The following GREB1L variants were observed in gnomAD, a reference collection of about 807,000 sequenced individuals.
The protein encoded by GREB1L is GREB1-like protein.
Under a neutral mutation model 200.8 loss-of-function variants are expected in GREB1L, and 17 were observed. The ratio of observed to expected loss-of-function variants is 0.08; its 90% CI spans 0.06 to 0.13. The LOEUF is 0.13. Among genes scored for constraint, GREB1L ranks in the 10% least tolerant of loss-of-function variants. GREB1L has a pLI of 1.00. For missense variants in GREB1L, 1,657 were observed against 2,367.7 expected (o/e 0.70, Z 6.23); for synonymous variants, 789 against 893.0 (o/e 0.88, Z 2.08).
intron 27 of GREB1L, among the ~76,000 whole-genome samples, chr18:21,511,842 C>T (rs2037250134): frequency 6.6e-6 from 1 of 152,116 alleles, no homozygotes; most frequent in Admixed American, 6.5e-5. Flanking sequence ...AGACATGGGT[C>T]TGTGTTGCTC....
intron 12 of GREB1L, 77 bp from the exon 13 acceptor site, chr18:21,450,946 A>G (rs558299224): frequency 2.5e-5 from 36 of 1,422,024 alleles, no homozygotes; most frequent in African/African-American, 2.0e-4. Flanking sequence ...ATTGTTTCCA[A>G]TTGTTGCCAT....
chr18:21,279,480 G>A (rs942478201), intron 1 of GREB1L, among the ~76,000 whole-genome samples: 1 of 152,014 alleles, frequency 6.6e-6, no homozygotes, highest in African/African-American at 2.4e-5. Context: ...TAGATTTTTG[G>A]AAGTAAAGTA....
intron 2 of GREB1L, among the ~76,000 whole-genome samples, chr18:21,377,931 AT>A (rs1359136338): frequency 1.2e-4 from 19 of 152,104 alleles, no homozygotes; most frequent in African/African-American, 4.3e-4. Flanking sequence ...GAGACAAGGT[AT>A]CATTATGTTG....
intron 1 of GREB1L, among the ~76,000 whole-genome samples, chr18:21,256,356 TAGTTAGGTGTACATTTTCACA>T (rs1374859660): frequency 1.3e-5 from 2 of 152,192 alleles, no homozygotes; most frequent in Non-Finnish European, 2.9e-5. Context: ...CATTAGAGAA[TAGTTAGGTGTACATTTTCACA>T]AGTTGGAGCA....
chr18:21,513,810 T>C lies in GREB1L; in HGVS notation c.4736-11T>C, dbSNP rs1272805204. On this transcript the variant is annotated splice_polypyrimidine_tract_variant and intron_variant, in intron 27 of 32. Transcript: ENST00000424526. ...GTGTGGATATGCAGATGTGGTTATGTTGCCTTCCAGGTGCTGCCAGGTTCC... is the reference window on the plus strand; with the variant it reads ...GTGTGGATATGCAGATGTGGTTATGCTGCCTTCCAGGTGCTGCCAGGTTCC... 24 of 1,550,364 alleles carry C rather than the reference T, an allele frequency of 1.5e-5. No individual in the cohort carries two copies. In the Admixed American group the frequency reaches 4.3e-4, roughly 28 times the overall value.
At chr18:21,438,960 CAAAAAAAAA>C (rs59125788) in intron 7 of GREB1L, among the ~76,000 whole-genome samples, 12 of 64,702 alleles carry the variant, frequency 1.9e-4, no homozygotes, top group Admixed American at 8.7e-4. Flanking sequence ...GACTCTGTCT[CAAAAAAAAA>C]AAAAAAAAAA....
At chr18:21,271,113 T>G (rs2038071356) in intron 1 of GREB1L, among the ~76,000 whole-genome samples, 1 of 152,216 alleles carries the variant, frequency 6.6e-6, no homozygotes, top group African/African-American at 2.4e-5. Flanking sequence ...TGTTCTGTAT[T>G]CAATAGATGA....
chr18:21,429,174 C>T (rs1391621254), intron 7 of GREB1L, among the ~76,000 whole-genome samples: 1 of 87,848 alleles, frequency 1.1e-5, no homozygotes, highest in Admixed American at 1.1e-4. Flanking sequence ...CTTCCCCTCC[C>T]TTCCTTCCCC....
intron 1 of GREB1L, among the ~76,000 whole-genome samples, chr18:21,316,626 T>C (rs1206278721): frequency 6.6e-6 from 1 of 152,174 alleles, no homozygotes; most frequent in East Asian, 1.9e-4. Flanking sequence ...TAAAAACCAC[T>C]TCCTTGCTAT....
In GREB1L at chr18:21,395,572, C is replaced by T. The variant is rs1167637767; in HGVS notation, c.532+11C>T. ...AAAATGCACTTTTAGGTGAGTGTTT[C>T]ATGCTTATAAAATTCCTTCCAATAT... On this transcript the variant is annotated intron_variant, in intron 5 of 32. Coordinates refer to ENST00000424526, the MANE Select transcript of GREB1L (RefSeq NM_001142966.3). 1 of 1,525,922 alleles carries T rather than the reference C, an allele frequency of 6.6e-7. No homozygotes were observed. The highest frequency in any genetic ancestry group is 8.8e-7 in the Non-Finnish European group (1 of 1,134,060). 94.5% of individuals were successfully genotyped at this position (1,525,922 alleles called of 1,614,324 possible).
At chr18:21,295,369 C>A (rs544787509) in intron 1 of GREB1L, among the ~76,000 whole-genome samples, 2 of 152,200 alleles carry the variant, frequency 1.3e-5, no homozygotes, top group South Asian at 4.1e-4. Context: ...TTTACTCTTC[C>A]TAAGAGCAAA....
At chr18:21,321,926 G>A (rs1217714403) in intron 1 of GREB1L, among the ~76,000 whole-genome samples, 3 of 152,074 alleles carry the variant, frequency 2.0e-5, no homozygotes, top group Non-Finnish European at 4.4e-5. Context: ...CCAAACCAGC[G>A]TCATGCTTAA....
At chr18:21,510,831 C>T (rs981069771) in intron 27 of GREB1L, among the ~76,000 whole-genome samples, 1 of 152,106 alleles carries the variant, frequency 6.6e-6, no homozygotes, top group Non-Finnish European at 1.5e-5. Flanking sequence ...CTAATTTCTT[C>T]ACATCCTCAC....
intron 1 of GREB1L, among the ~76,000 whole-genome samples, chr18:21,339,186 CAA>C (rs573565894): frequency 8.0e-4 from 94 of 117,646 alleles, no homozygotes; most frequent in African/African-American, 2.6e-3. Context: ...GACTCCATCT[CAA>C]AAAAAAAAAA....
At chr18:21,480,113 G>A (rs561277579) in intron 17 of GREB1L, among the ~76,000 whole-genome samples, 1 of 152,310 alleles carries the variant, frequency 6.6e-6, no homozygotes, top group African/African-American at 2.4e-5. Context: ...CACTCTGGGA[G>A]GCTGAGATGA....
At chr18:21,489,216 C>T (rs1374307508) in intron 18 of GREB1L, among the ~76,000 whole-genome samples, 1 of 152,148 alleles carries the variant, frequency 6.6e-6, no homozygotes, top group African/African-American at 2.4e-5. Flanking sequence ...GCAGTCCAGG[C>T]TTAGGGGAAA....
intron 1 of GREB1L, among the ~76,000 whole-genome samples, chr18:21,335,524 A>G (rs907220042): frequency 2.0e-4 from 30 of 152,306 alleles, no homozygotes; most frequent in South Asian, 2.1e-4. Context: ...TACATGTAAA[A>G]GCTCTATCAC....
chr18:21,331,444 T>C (rs748686044), intron 1 of GREB1L, among the ~76,000 whole-genome samples: 3 of 152,234 alleles, frequency 2.0e-5, no homozygotes, highest in Admixed American at 2.0e-4. Context: ...AGCTTTCTCA[T>C]TGGGTAAAAA....
intron 31 of GREB1L, among the ~76,000 whole-genome samples, chr18:21,520,231 G>A (rs558658216): frequency 1.3e-5 from 2 of 152,160 alleles, no homozygotes; most frequent in Admixed American, 6.5e-5. Context: ...GTGAGCCACC[G>A]CACCCAGCCC....
Sources: gnomAD v4.1 joint callset for allele counts (sites outside exome capture counted in the v4.1 genomes callset) on GRCh38, gnomAD v4.1.1 for gene constraint, MANE v1.5 for transcripts, NCBI Gene and HGNC (gene_info 2026-07-23, HGNC 2026-07-21) for gene names.